The following TPD52 variants were observed in gnomAD, a reference collection of about 807,000 sequenced individuals.
TPD52 encodes the protein tumor protein D52.
In TPD52, 17 loss-of-function variants were observed where a neutral mutation model predicts 31.3. That is an observed-to-expected ratio of 0.54 (90% CI 0.37 to 0.82). TPD52 has a LOEUF of 0.82. Among genes scored for constraint, TPD52 ranks in the 40% least tolerant of loss-of-function variants. The probability of loss-of-function intolerance (pLI) is 0.00; values close to 1 mark genes in which losing one functional copy is unlikely to be tolerated. For missense variants in TPD52, 212 were observed against 240.1 expected (o/e 0.88, Z 0.77); for synonymous variants, 83 against 89.6 (o/e 0.93, Z 0.42).
At chr8:80,034,561 G>T (rs572879833), downstream of TPD52, among the ~76,000 whole-genome samples, 14 of 152,250 alleles carry the variant, frequency 9.2e-5, no homozygotes, top group South Asian at 1.0e-3. Flanking sequence ...CCATAGAAAT[G>T]GATAAGATCA....
At chr8:80,087,370 T>C (rs1466077688) in intron 1 of TPD52, among the ~76,000 whole-genome samples, 2 of 152,216 alleles carry the variant, frequency 1.3e-5, no homozygotes, top group Non-Finnish European at 2.9e-5. Flanking sequence ...AACAAGAGCA[T>C]GTCCTTTGCA....
chr8:80,148,193 C>T (rs895764043), intron 1 of TPD52, among the ~76,000 whole-genome samples: 2 of 151,854 alleles, frequency 1.3e-5, no homozygotes, highest in Admixed American at 6.6e-5. Flanking sequence ...CATTTTGTCA[C>T]CCCGGCTGGA....
At chr8:80,139,289 T>A (rs977207511) in intron 1 of TPD52, among the ~76,000 whole-genome samples, 8 of 152,210 alleles carry the variant, frequency 5.3e-5, no homozygotes, top group African/African-American at 1.9e-4. Flanking sequence ...ACTATTTTTT[T>A]ATAAAGAGTA....
At position 80,160,413 on chromosome 8, in the gene TPD52, G is replaced by C. The variant is rs149251665; in HGVS notation, c.19+11012C>G. Reference sequence around the variant, plus strand: ...AAACAAGATAATATGTAGAAAATTAGTAAGAGTTCTCAAAGGCCATGTGGT... The same window carrying C: ...AAACAAGATAATATGTAGAAAATTACTAAGAGTTCTCAAAGGCCATGTGGT... On this transcript the variant is annotated intron_variant, in intron 1 of 7. Transcript: ENST00000518937. Among the ~76,000 whole-genome samples the C allele has an allele frequency of 8.7e-3, 1,319 of 152,240 alleles. 20 individuals carry two copies. Among genetic ancestry groups the C allele is most frequent in the African/African-American group, 0.03 (1,229 of 41,536 alleles).
intron 1 of TPD52, among the ~76,000 whole-genome samples, chr8:80,066,332 T>C (rs1463757799): frequency 1.3e-5 from 2 of 152,078 alleles, no homozygotes; most frequent in African/African-American, 4.8e-5. Context: ...AGCACCAAAA[T>C]AGTGCCTACC....
chr8:80,038,504 T>A (rs922460416), intron 7 of TPD52, among the ~76,000 whole-genome samples: 2 of 152,230 alleles, frequency 1.3e-5, no homozygotes, highest in African/African-American at 4.8e-5. Context: ...ACAGGAAGTC[T>A]GTCTAGAAAA....
intron 1 of TPD52, among the ~76,000 whole-genome samples, chr8:80,068,302 A>C (rs749508656): frequency 6.6e-6 from 1 of 152,182 alleles, no homozygotes; most frequent in Non-Finnish European, 1.5e-5. Context: ...GGCAGGATTA[A>C]TACTTGGGTC....
chr8:80,107,475 T>C (rs1807213742), intron 1 of TPD52, among the ~76,000 whole-genome samples: 1 of 152,186 alleles, frequency 6.6e-6, no homozygotes, highest in Non-Finnish European at 1.5e-5. Context: ...TTATAGCAAC[T>C]GCGGAGCAAC....
At chr8:80,098,611 A>G (rs1806503500) in intron 1 of TPD52, among the ~76,000 whole-genome samples, 1 of 152,266 alleles carries the variant, frequency 6.6e-6, no homozygotes, top group South Asian at 2.1e-4. Context: ...ACTTGAAGGG[A>G]TAAGGAGTTG....
At chr8:80,080,630 G>A (rs1251205950) in intron 1 of TPD52, 12 of 1,353,970 alleles carry the variant, frequency 8.9e-6, no homozygotes, top group East Asian at 7.8e-5. Flanking sequence ...GAGCCTTCAC[G>A]CCCCTCCTGA....
chr8:80,086,616 G>A (rs1407548428), intron 1 of TPD52, among the ~76,000 whole-genome samples: 1 of 151,992 alleles, frequency 6.6e-6, no homozygotes, highest in Non-Finnish European at 1.5e-5. Flanking sequence ...GCTCACACCT[G>A]TAATCCTGGC....
At chr8:80,069,362 A>T (rs1173527562) in intron 1 of TPD52, among the ~76,000 whole-genome samples, 2 of 152,152 alleles carry the variant, frequency 1.3e-5, no homozygotes, top group Non-Finnish European at 2.9e-5. Flanking sequence ...GCTACTCAGG[A>T]GGCTGTGGCG....
intron 1 of TPD52, among the ~76,000 whole-genome samples, chr8:80,167,537 G>C (rs1249480230): frequency 1.3e-5 from 2 of 152,198 alleles, no homozygotes; most frequent in Non-Finnish European, 2.9e-5. Flanking sequence ...GCACCATATG[G>C]AAATCACGAA....
chr8:80,051,679 T>C, intron 3 of TPD52, 51 bp from the exon 4 acceptor site: 2 of 1,438,082 alleles, frequency 1.4e-6, no homozygotes, highest in South Asian at 1.3e-5. Context: ...GCTCATCTTT[T>C]CTAATATCAA....
chr8:80,064,626 C>A (rs772733402), intron 1 of TPD52, 33 bp from the exon 2 acceptor site: 4 of 1,536,534 alleles, frequency 2.6e-6, no homozygotes, highest in Non-Finnish European at 3.6e-6. Context: ...TTTTAAAGTG[C>A]AAAATCTAAG....
At chr8:80,091,908 T>C (rs28441351) in intron 1 of TPD52, among the ~76,000 whole-genome samples, 17 of 152,258 alleles carry the variant, frequency 1.1e-4, no homozygotes, top group African/African-American at 3.9e-4. Context: ...TGCCTGAGGA[T>C]GAAAGCTTGA....
At chr8:80,047,868 G>T (rs1400567082) in intron 5 of TPD52, among the ~76,000 whole-genome samples, 2 of 152,042 alleles carry the variant, frequency 1.3e-5, no homozygotes, top group Non-Finnish European at 2.9e-5. Flanking sequence ...TGGAAATAAA[G>T]GCAAAATTAA....
chr8:80,047,075 G>C (rs942483288), intron 5 of TPD52, among the ~76,000 whole-genome samples: 1 of 152,118 alleles, frequency 6.6e-6, no homozygotes, highest in Admixed American at 6.5e-5. Context: ...TTTTGATGTT[G>C]GTGATCACAG....
intron 1 of TPD52, among the ~76,000 whole-genome samples, chr8:80,131,321 T>C (rs1248981488): frequency 6.6e-6 from 1 of 152,248 alleles, no homozygotes; most frequent in Non-Finnish European, 1.5e-5. Context: ...TAAACTATTA[T>C]TCTAATAAAT....
Sources: gnomAD v4.1 joint callset for allele counts (sites outside exome capture counted in the v4.1 genomes callset) on GRCh38, gnomAD v4.1.1 for gene constraint, MANE v1.5 for transcripts, NCBI Gene and HGNC (gene_info 2026-07-23, HGNC 2026-07-21) for gene names.